CD300LG: variants seen among roughly 807,000 people sequenced by gnomAD.
The protein encoded by CD300LG is CMRF35-like molecule 9.
Under a neutral mutation model 31.5 loss-of-function variants are expected in CD300LG, and 29 were observed. The observed-to-expected ratio is 0.92, with a 90% CI of 0.68 to 1.25. CD300LG has a LOEUF of 1.25. Ranked by LOEUF, CD300LG falls within the 50% of genes most tolerant of loss-of-function variation. The probability of loss-of-function intolerance (pLI) is 0.00; values close to 1 mark genes in which losing one functional copy is unlikely to be tolerated. For missense variants in CD300LG, 396 were observed against 417.6 expected, an observed-to-expected ratio of 0.95 and a Z score of 0.45; for synonymous variants, 175 against 177.2, an observed-to-expected ratio of 0.99 and a Z score of 0.10.
chr17:43,853,146 C>A, intron 3 of CD300LG, 133 bp downstream of exon 3: 1 of 696,050 alleles, frequency 1.4e-6, no homozygotes. Flanking sequence ...GCTGGGTTGT[C>A]CAGCTGTGGA....
At chr17:43,849,721 T>C (rs1383458464) in intron 2 of CD300LG, 1 of 152,220 alleles carries the variant, frequency 6.6e-6, no homozygotes, top group Non-Finnish European at 1.5e-5. Context: ...CAGCAGGAAG[T>C]GATGGAACTG....
intron 6 of CD300LG, among the ~76,000 whole-genome samples, chr17:43,860,146 G>A (rs566050375): frequency 6.6e-6 from 1 of 152,278 alleles, no homozygotes; most frequent in East Asian, 1.9e-4. Flanking sequence ...CATGGACACC[G>A]AGCCCAAGAG....
intron 2 of CD300LG, chr17:43,849,245 C>T (rs1257531874): frequency 7.1e-6 from 3 of 423,042 alleles, no homozygotes; most frequent in South Asian, 1.4e-4. Context: ...AGACTCCTCG[C>T]CTGGTGTCAG....
intron 6 of CD300LG, among the ~76,000 whole-genome samples, chr17:43,859,185 G>A (rs35427712): frequency 0.023 from 3,434 of 152,220 alleles, 59 homozygotes; most frequent in Middle Eastern, 0.041. Flanking sequence ...AGCCAAGTTC[G>A]CAGCCCAAGA....
At chr17:43,857,527 T>C in intron 6 of CD300LG, 1 of 1,490,966 alleles carries the variant, frequency 6.7e-7, no homozygotes, top group South Asian at 1.2e-5. Context: ...GACTTTTCTC[T>C]CAGTTTGAAG....
intron 5 of CD300LG, 133 bp from the exon 6 acceptor site, chr17:43,856,971 C>A: frequency 1.2e-6 from 1 of 801,766 alleles, no homozygotes; most frequent in Non-Finnish European, 2.1e-6. Context: ...CTCTGCCCAT[C>A]TGGCTGCCTC....
At position 43,853,882 on chromosome 17, in the gene CD300LG, G is replaced by A. The variant is rs757631036; in HGVS notation, c.557G>A (p.Gly186Glu). The A allele has an allele frequency of 3.1e-6, 5 of 1,614,112 alleles. No individual in the cohort carries two copies. The highest frequency in any genetic ancestry group is 3.4e-6 in the Non-Finnish European group (4 of 1,180,014). ...KTGAEAPPLP[G>E]TSQYGHERTS... is the part of the protein sequence containing the mutation. Reference sequence around the variant, plus strand: ...GGGGCTGAGGCCCCTCCATTGCCAGGGACTTCCCAGTACGGGCACGAAAGG... The same window carrying A: ...GGGGCTGAGGCCCCTCCATTGCCAGAGACTTCCCAGTACGGGCACGAAAGG... Residue 186 changes from glycine (G) to glutamate (E), a missense_variant, in exon 4 of 7, where the codon GGG (glycine) becomes GAG (glutamate). Gly to Glu is a moderately conservative substitution (Grantham distance 98). Coordinates refer to ENST00000317310, the MANE Select transcript of CD300LG (RefSeq NM_145273.4).
intron 1 of CD300LG, 83 bp downstream of exon 1, chr17:43,847,342 G>C: frequency 1.6e-6 from 2 of 1,262,334 alleles, no homozygotes; most frequent in Non-Finnish European, 1.1e-6. Flanking sequence ...CTGACTGATA[G>C]CCCCACCCCA....
intron 4 of CD300LG, among the ~76,000 whole-genome samples, 175 bp downstream of exon 4, chr17:43,854,219 C>T (rs1445241686): frequency 6.6e-6 from 1 of 152,224 alleles, no homozygotes; most frequent in Admixed American, 6.5e-5. Context: ...ACAGCTTGTA[C>T]TATAGGAGCC....
At chr17:43,858,593 G>A (rs2046589932) in intron 6 of CD300LG, 6 of 985,432 alleles carry the variant, frequency 6.1e-6, no homozygotes, top group Non-Finnish European at 7.2e-6. Context: ...CCTTGTTGAG[G>A]GAAAGATGGA....
chr17:43,861,339 G>T (rs1052857955), intron 6 of CD300LG: 1 of 957,886 alleles, frequency 1.0e-6, no homozygotes, highest in South Asian at 4.8e-5. Context: ...AGTGGAAGGA[G>T]GCCTTTTCCT....
At chr17:43,857,606 C>T (rs899663268) in intron 6 of CD300LG, 2 of 1,153,186 alleles carry the variant, frequency 1.7e-6, no homozygotes, top group Non-Finnish European at 2.5e-6. Context: ...GCCCCAGACC[C>T]AGCTGAACCC....
chr17:43,858,939 T>C (rs1232121645), intron 6 of CD300LG, among the ~76,000 whole-genome samples: 1 of 152,188 alleles, frequency 6.6e-6, no homozygotes, highest in Non-Finnish European at 1.5e-5. Flanking sequence ...ACCTACTACG[T>C]GTCAGGGGCT....
chr17:43,859,413 G>A (rs923584903), intron 6 of CD300LG, among the ~76,000 whole-genome samples: 1 of 152,142 alleles, frequency 6.6e-6, no homozygotes, highest in African/African-American at 2.4e-5. Flanking sequence ...GCTGGAACAG[G>A]GCCGATCGTC....
At chr17:43,851,694 G>C (rs571106555) in intron 2 of CD300LG, among the ~76,000 whole-genome samples, 1 of 148,842 alleles carries the variant, frequency 6.7e-6, no homozygotes, top group Admixed American at 6.7e-5. Flanking sequence ...TGTCGCCCAG[G>C]CTGGAGTGCA....
At chr17:43,861,282 G>A in intron 6 of CD300LG, 1 of 985,382 alleles carries the variant, frequency 1.0e-6, no homozygotes, top group Non-Finnish European at 1.2e-6. Flanking sequence ...TGGGAAGGGA[G>A]GGGCTGAGGA....
chr17:43,854,867 A>T (rs183213378), intron 4 of CD300LG, among the ~76,000 whole-genome samples: 72 of 152,266 alleles, frequency 4.7e-4, no homozygotes, highest in Admixed American at 4.5e-3. Flanking sequence ...CGCTTTACAC[A>T]TCCTCACCCA....
At chr17:43,849,078 C>T in intron 2 of CD300LG, 185 bp downstream of exon 2, 1 of 614,910 alleles carries the variant, frequency 1.6e-6, no homozygotes. Context: ...CATTGTCTCA[C>T]TCTTGCTGCC....
At chr17:43,857,027 A>T in intron 5 of CD300LG, 77 bp from the exon 6 acceptor site, 1 of 1,464,854 alleles carries the variant, frequency 6.8e-7, no homozygotes, top group Non-Finnish European at 9.5e-7. Context: ...GGGCCAGTCC[A>T]CCTTTCTGGG....
Sources: allele counts gnomAD v4.1 joint callset (sites outside exome capture counted in the v4.1 genomes callset), GRCh38; gene constraint gnomAD v4.1.1; transcripts MANE v1.5; gene names NCBI Gene and HGNC (gene_info 2026-07-23, HGNC 2026-07-21).